Variants in COL4A1 observed in about 807,000 individuals in gnomAD.
The protein encoded by COL4A1 is collagen type IV alpha 1 chain, also known as collagen alpha-1(IV) chain.
Under a neutral mutation model 216.6 loss-of-function variants are expected in COL4A1, and 40 were observed. The observed-to-expected ratio is 0.18, with a 90% CI of 0.14 to 0.24. The LOEUF (loss-of-function observed/expected upper bound fraction) is 0.24, where lower values mean the gene tolerates loss of function less well. Ranked by LOEUF, COL4A1 falls within the 10% of genes least tolerant of loss-of-function variation. The pLI, the probability that COL4A1 is intolerant of heterozygous loss-of-function variation, is 1.00. For synonymous variants in COL4A1, 839 were observed against 810.7 expected (o/e 1.03, Z -0.59); for missense variants, 1,628 against 2,196.8 (o/e 0.74, Z 5.18).
chr13:110,237,304 T>C (rs1881359868), intron 2 of COL4A1, among the ~76,000 whole-genome samples: 1 of 152,220 alleles, frequency 6.6e-6, no homozygotes, highest in Non-Finnish European at 1.5e-5. Flanking sequence ...GGTTAGTGCC[T>C]GAATCCTGTT....
chr13:110,164,953 G>A lies in COL4A1; in HGVS notation c.4059C>T (p.Asp1353=), dbSNP rs774357768. The A allele has an allele frequency of 1.1e-5, 18 of 1,604,910 alleles. No homozygotes were observed. In the Admixed American group the frequency reaches 1.7e-4, roughly 15 times the overall value. ...GGAGCCCGGGCTCCCCTTTGATGAT[G>A]TCGTAAGGACCTGGGGGGCCAGGAG... ...PGPPGPPGPY[D]IIKGEPGLPG... Residue 1353 remains aspartate (D), a synonymous_variant, in exon 46 of 52, where the codon GAC becomes GAT. Coordinates refer to ENST00000375820, the MANE Select transcript of COL4A1 (RefSeq NM_001845.6).
intron 24 of COL4A1, among the ~76,000 whole-genome samples, chr13:110,191,966 A>C (rs1368851946): frequency 2.0e-5 from 3 of 152,248 alleles, no homozygotes; most frequent in Non-Finnish European, 1.5e-5. Flanking sequence ...ACAGGTCGGC[A>C]GCAGCCGAAA....
intron 1 of COL4A1, among the ~76,000 whole-genome samples, chr13:110,279,304 C>T (rs1184263140): frequency 6.6e-6 from 1 of 152,168 alleles, no homozygotes; most frequent in Non-Finnish European, 1.5e-5. Context: ...TTTCTGGAGT[C>T]CAGTTCCACA....
At chr13:110,174,070 C>T in intron 39 of COL4A1, 72 bp from the exon 40 acceptor site, 5 of 1,516,538 alleles carry the variant, frequency 3.3e-6, no homozygotes, top group Non-Finnish European at 4.6e-6. Context: ...CAAAATGGCC[C>T]TTTGCTGACA....
intron 2 of COL4A1, among the ~76,000 whole-genome samples, chr13:110,233,718 G>A (rs1176564750): frequency 6.6e-6 from 1 of 152,150 alleles, no homozygotes; most frequent in Non-Finnish European, 1.5e-5. Context: ...CCACAACGTT[G>A]ATTAGAAATT....
chr13:110,307,055 G>A lies in COL4A1; in HGVS notation c.-28C>T, dbSNP rs770197166. ...TGGCGCGCCCGAGGCGGCGAGGGAC[G>A]GCTGCCCGGCGTGCGGGGGCCGCGG... On this transcript the variant is annotated 5_prime_UTR_variant, in exon 1 of 52. Transcript: ENST00000375820. This position sits in a 1 kb window ranked among gnomAD's most constrained non-coding sequence, Gnocchi z 5.0. The A allele has an allele frequency of 8.3e-6, 12 of 1,438,850 alleles. No homozygotes were observed. Among genetic ancestry groups the A allele is most frequent in the East Asian group, 3.0e-5 (1 of 33,432 alleles). 89.1% of individuals were successfully genotyped at this position (1,438,850 alleles called of 1,614,324 possible).
intron 17 of COL4A1, among the ~76,000 whole-genome samples, 172 bp downstream of exon 17, chr13:110,205,181 T>C (rs1468489685): frequency 6.6e-6 from 1 of 152,278 alleles, no homozygotes; most frequent in African/African-American, 2.4e-5. Context: ...ATTTTTATTT[T>C]GTAAAAAATC....
chr13:110,303,670 C>G (rs1046699459), intron 1 of COL4A1, among the ~76,000 whole-genome samples: 1 of 152,232 alleles, frequency 6.6e-6, no homozygotes, highest in African/African-American at 2.4e-5. Flanking sequence ...CCTCTGAGTT[C>G]CCCAAAGCTG....
At chr13:110,227,423 CACAA>C (rs779184336) in intron 2 of COL4A1, among the ~76,000 whole-genome samples, 4,624 of 142,748 alleles carry the variant, frequency 0.032, 87 homozygotes, top group South Asian at 0.057. Context: ...CACACACACA[CACAA>C]ACACACACAA....
intron 1 of COL4A1, among the ~76,000 whole-genome samples, chr13:110,278,889 C>G (rs1051288537): frequency 3.3e-5 from 5 of 152,100 alleles, no homozygotes; most frequent in African/African-American, 1.2e-4. Flanking sequence ...GCGTCCCACA[C>G]CTCCTTTTCA....
intron 2 of COL4A1, among the ~76,000 whole-genome samples, chr13:110,227,237 A>C (rs1468659135): frequency 2.6e-5 from 4 of 152,208 alleles, no homozygotes; most frequent in African/African-American, 9.6e-5. Context: ...GAAACAGACC[A>C]ACTGGGTTAC....
intron 1 of COL4A1, among the ~76,000 whole-genome samples, chr13:110,260,236 C>T (rs1424751564): frequency 6.6e-6 from 1 of 152,216 alleles, no homozygotes; most frequent in Non-Finnish European, 1.5e-5. Context: ...CCACATCTTA[C>T]ATGGCGGCAG....
At chr13:110,261,406 A>G (rs1446320606) in intron 1 of COL4A1, among the ~76,000 whole-genome samples, 1 of 152,204 alleles carries the variant, frequency 6.6e-6, no homozygotes, top group East Asian at 1.9e-4. Flanking sequence ...CTGCTAACTC[A>G]CTGGTTTGCT....
intron 1 of COL4A1, among the ~76,000 whole-genome samples, chr13:110,266,488 T>C (rs967995095): frequency 6.6e-6 from 1 of 151,964 alleles, no homozygotes; most frequent in Non-Finnish European, 1.5e-5. Flanking sequence ...AAGAAAACCT[T>C]AAAACTCAAA....
chr13:110,247,282 C>G (rs768856718), intron 1 of COL4A1, among the ~76,000 whole-genome samples: 1 of 152,172 alleles, frequency 6.6e-6, no homozygotes. Context: ...CCAGTGGACT[C>G]TGTCAGACAC....
Position 110,203,548 on chromosome 13 carries a change from G to A in COL4A1, c.999+18C>T. ...CCCCCAGCGCTCTCACAGACCCAGG[G>A]ACAGCACTCTTACTCACAATTCCAG... On this transcript the variant is annotated intron_variant, in intron 18 of 51. Coordinates refer to ENST00000375820, the MANE Select transcript of COL4A1 (RefSeq NM_001845.6). The A allele has an allele frequency of 1.9e-6, 3 of 1,613,866 alleles. No individual in the cohort carries two copies. Among genetic ancestry groups the A allele is most frequent in the Non-Finnish European group, 2.5e-6 (3 of 1,179,932 alleles).
chr13:110,281,112 C>A (rs2139300251), intron 1 of COL4A1, among the ~76,000 whole-genome samples: 1 of 152,302 alleles, frequency 6.6e-6, no homozygotes, highest in African/African-American at 2.4e-5. Context: ...AACTCAACAA[C>A]ATCTTTGACA....
At chr13:110,183,579 C>T (rs1878274956) in intron 26 of COL4A1, among the ~76,000 whole-genome samples, 2 of 152,198 alleles carry the variant, frequency 1.3e-5, no homozygotes, top group African/African-American at 2.4e-5. Context: ...ACAACAACAA[C>T]ATGTGAGGTG....
chr13:110,245,063 C>CA, intron 1 of COL4A1, among the ~76,000 whole-genome samples: 1 of 152,288 alleles, frequency 6.6e-6, no homozygotes, highest in South Asian at 2.1e-4. Flanking sequence ...GCACCTCAAC[C>CA]ACAGTGCATT....
Sources: allele counts gnomAD v4.1 joint callset (sites outside exome capture counted in the v4.1 genomes callset), GRCh38; gene constraint gnomAD v4.1.1; non-coding constraint Gnocchi (gnomAD v3.1); transcripts MANE v1.5; gene names NCBI Gene and HGNC (gene_info 2026-07-23, HGNC 2026-07-21).